Variants in CTNNA3 observed in about 807,000 individuals in gnomAD.
CTNNA3 encodes the protein catenin alpha-3.
In CTNNA3, 76 loss-of-function variants were observed where a neutral mutation model predicts 95.7. The ratio of observed to expected loss-of-function variants is 0.79; its 90% CI spans 0.66 to 0.96. The LOEUF is 0.96. Ranked by LOEUF, CTNNA3 falls within the 40% of genes least tolerant of loss-of-function variation. The pLI, the probability that CTNNA3 is intolerant of heterozygous loss-of-function variation, is 0.00. For synonymous variants in CTNNA3, 431 were observed against 374.4 expected, an observed-to-expected ratio of 1.15 and a Z score of -1.74; for missense variants, 1,191 against 1,089.8, an observed-to-expected ratio of 1.09 and a Z score of -1.31.
intron 4 of CTNNA3, among the ~76,000 whole-genome samples, chr10:67,532,468 T>C (rs185453313): frequency 1.5e-3 from 230 of 152,354 alleles, no homozygotes; most frequent in Non-Finnish European, 1.9e-3. Context: ...GTAGCAAATG[T>C]TAAATATACA....
chr10:67,085,049 G>A (rs1857225280), intron 7 of CTNNA3, among the ~76,000 whole-genome samples: 1 of 151,874 alleles, frequency 6.6e-6, no homozygotes, highest in Non-Finnish European at 1.5e-5. Flanking sequence ...CTTCAAATTT[G>A]CTGTCCAAAT....
intron 5 of CTNNA3, among the ~76,000 whole-genome samples, chr10:67,230,947 G>A (rs932874131): frequency 2.6e-5 from 4 of 152,158 alleles, no homozygotes; most frequent in Non-Finnish European, 4.4e-5. Context: ...ACTCCCACCC[G>A]AATACTGCGC....
At chr10:67,299,045 C>T (rs767498656) in intron 5 of CTNNA3, among the ~76,000 whole-genome samples, 24 of 152,022 alleles carry the variant, frequency 1.6e-4, no homozygotes, top group Non-Finnish European at 2.8e-4. Flanking sequence ...ACTACAAGCA[C>T]GCACCACCAC....
chr10:66,745,810 AG>A (rs1838845570), intron 9 of CTNNA3, among the ~76,000 whole-genome samples: 2 of 148,626 alleles, frequency 1.3e-5, no homozygotes, highest in South Asian at 2.1e-4. Context: ...TGTGTTAGCC[AG>A]GATGGTCTCG....
chr10:66,466,191 T>C (rs1247192230), intron 11 of CTNNA3, among the ~76,000 whole-genome samples: 1 of 151,802 alleles, frequency 6.6e-6, no homozygotes, highest in African/African-American at 2.4e-5. Context: ...AGCTGCAACA[T>C]CAACTCTTCC....
At chr10:67,662,120 C>A (rs1039545196) in intron 1 of CTNNA3, among the ~76,000 whole-genome samples, 2 of 152,078 alleles carry the variant, frequency 1.3e-5, no homozygotes, top group Non-Finnish European at 2.9e-5. Context: ...AGACAGTCAT[C>A]CCCCCAATCC....
At chr10:67,709,936 G>T (rs1195552585) in intron 1 of CTNNA3, among the ~76,000 whole-genome samples, 1 of 152,112 alleles carries the variant, frequency 6.6e-6, no homozygotes, top group East Asian at 1.9e-4. Context: ...AATATCACTT[G>T]TTAATAGTTT....
intron 7 of CTNNA3, among the ~76,000 whole-genome samples, chr10:66,972,333 T>C (rs1849765872): frequency 6.6e-6 from 1 of 152,144 alleles, no homozygotes; most frequent in Non-Finnish European, 1.5e-5. Context: ...AGAATACATT[T>C]TTTTAGAGAT....
In CTNNA3 at chr10:65,987,148, G is replaced by A. The variant is rs7098160; in HGVS notation, c.2265+1544C>T. On this transcript the variant is annotated intron_variant, in intron 16 of 17. Coordinates refer to ENST00000433211, the MANE Select transcript of CTNNA3 (RefSeq NM_013266.4). Reference sequence around the variant, plus strand: ...CATTGATTTTGGCAAAGATTTGATGGCTAACACCTCAAAAGCACAGGCAAC... The same window carrying A: ...CATTGATTTTGGCAAAGATTTGATGACTAACACCTCAAAAGCACAGGCAAC... Among the ~76,000 whole-genome samples the A allele has an allele frequency of 8.5e-4, 129 of 151,942 alleles. 2 individuals are homozygous for A. The highest frequency in any genetic ancestry group is 3.0e-3 in the African/African-American group (124 of 41,520).
intron 5 of CTNNA3, among the ~76,000 whole-genome samples, chr10:67,232,031 C>T (rs1407293773): frequency 6.6e-6 from 1 of 152,108 alleles, no homozygotes; most frequent in Non-Finnish European, 1.5e-5. Context: ...AAATCTACGT[C>T]TGATTGGTGT....
chr10:67,693,424 G>C (rs1840906678), intron 1 of CTNNA3, among the ~76,000 whole-genome samples: 1 of 152,098 alleles, frequency 6.6e-6, no homozygotes, highest in Admixed American at 6.5e-5. Flanking sequence ...CTATTTTCAA[G>C]TTTTCATTAC....
At chr10:66,058,343 T>C (rs913483447) in intron 15 of CTNNA3, among the ~76,000 whole-genome samples, 1 of 152,120 alleles carries the variant, frequency 6.6e-6, no homozygotes, top group African/African-American at 2.4e-5. Context: ...GGGGCAGAAA[T>C]GCTTTGTAAA....
At chr10:67,199,232 C>T (rs1258896798) in intron 6 of CTNNA3, among the ~76,000 whole-genome samples, 1 of 152,156 alleles carries the variant, frequency 6.6e-6, no homozygotes, top group African/African-American at 2.4e-5. Context: ...TTCTGTGTTT[C>T]ATGATTCAAG....
At chr10:66,237,724 A>AT (rs903608501) in intron 13 of CTNNA3, among the ~76,000 whole-genome samples, 3 of 152,068 alleles carry the variant, frequency 2.0e-5, no homozygotes, top group Admixed American at 1.3e-4. Context: ...TCTTATAACC[A>AT]TTTTTTTCAA....
At chr10:66,251,811 G>T (rs2090564454) in intron 13 of CTNNA3, among the ~76,000 whole-genome samples, 1 of 152,130 alleles carries the variant, frequency 6.6e-6, no homozygotes, top group South Asian at 2.1e-4. Flanking sequence ...TTGTGCCAGG[G>T]TTCCAAGAGC....
chr10:67,750,905 T>A, intron 1 of CTNNA3: 1 of 1,610,476 alleles, frequency 6.2e-7, no homozygotes, highest in Non-Finnish European at 8.5e-7. Context: ...ATCACCATTA[T>A]GGCCTACAGC....
At chr10:67,375,003 A>C (rs1843635871) in intron 5 of CTNNA3, among the ~76,000 whole-genome samples, 1 of 152,212 alleles carries the variant, frequency 6.6e-6, no homozygotes, top group South Asian at 2.1e-4. Context: ...CAACTCCAGG[A>C]GGCACATAGC....
Position 67,179,025 on chromosome 10 carries a change from T to C in CTNNA3, c.1047+1292A>G, listed in dbSNP as rs572094520. On this transcript the variant is annotated intron_variant, in intron 7 of 17. Coordinates refer to ENST00000433211, the MANE Select transcript of CTNNA3 (RefSeq NM_013266.4). The stretch of plus-strand genomic sequence containing the variant: ...AACCAAAGTCATCAAATATTAAGAG[T>C]ATGAAGATACATCAAATGTGTTGAA... 1.9e-3 allele frequency among the ~76,000 whole-genome samples: 291 copies of C among 152,156 alleles called. 1 individual carries two copies. Among genetic ancestry groups the C allele is most frequent in the African/African-American group, 6.4e-3 (264 of 41,516 alleles).
chr10:66,149,753 T>C (rs1032524657), intron 13 of CTNNA3, among the ~76,000 whole-genome samples: 6 of 148,620 alleles, frequency 4.0e-5, no homozygotes, highest in Non-Finnish European at 7.5e-5. Context: ...TTATTAAAAT[T>C]ACAGTTCTTT....
Sources: gnomAD v4.1 joint callset for allele counts (sites outside exome capture counted in the v4.1 genomes callset) on GRCh38, gnomAD v4.1.1 for gene constraint, MANE v1.5 for transcripts, NCBI Gene and HGNC (gene_info 2026-07-23, HGNC 2026-07-21) for gene names.